The following NRG3 variants were observed in gnomAD, a reference collection of about 807,000 sequenced individuals.
NRG3 encodes pro-neuregulin-3, membrane-bound isoform.
Under a neutral mutation model 66.9 loss-of-function variants are expected in NRG3, and 31 were observed. That is an observed-to-expected ratio of 0.46 (90% CI 0.35 to 0.63). The LOEUF is 0.63. Among genes scored for constraint, NRG3 ranks in the 20% least tolerant of loss-of-function variants. NRG3 has a pLI of 0.00. For synonymous variants in NRG3, 393 were observed against 359.4 expected, an observed-to-expected ratio of 1.09 and a Z score of -1.06; for missense variants, 910 against 878.9, an observed-to-expected ratio of 1.04 and a Z score of -0.45.
At chr10:82,569,731 A>G (rs931880839) in intron 2 of NRG3, among the ~76,000 whole-genome samples, 3 of 151,706 alleles carry the variant, frequency 2.0e-5, no homozygotes, top group African/African-American at 4.8e-5. Flanking sequence ...TCTTTGCTAG[A>G]TAAGTTCATT....
intron 1 of NRG3, among the ~76,000 whole-genome samples, chr10:81,998,650 AAAC>A (rs1294676678): frequency 2.0e-5 from 3 of 152,178 alleles, no homozygotes; most frequent in African/African-American, 4.8e-5. Flanking sequence ...TTATGTGATA[AAAC>A]AACGTGTGTG....
intron 4 of NRG3, among the ~76,000 whole-genome samples, chr10:82,913,876 A>G (rs773221008): frequency 5.9e-5 from 9 of 152,160 alleles, no homozygotes; most frequent in Admixed American, 2.0e-4. Flanking sequence ...TTATTACTTC[A>G]AAACCTTTTC....
At chr10:82,813,141 T>A (rs1477267288) in intron 3 of NRG3, among the ~76,000 whole-genome samples, 1 of 151,824 alleles carries the variant, frequency 6.6e-6, no homozygotes. Context: ...AGTGTTTTGA[T>A]GAGTTAATCA....
intron 1 of NRG3, among the ~76,000 whole-genome samples, chr10:82,049,410 G>T (rs545460330): frequency 6.6e-6 from 1 of 152,078 alleles, no homozygotes; most frequent in Non-Finnish European, 1.5e-5. Flanking sequence ...TGTTTCCAAT[G>T]GGTGTTATTT....
At chr10:82,348,062 T>C (rs1423868481) in intron 1 of NRG3, among the ~76,000 whole-genome samples, 12 of 151,920 alleles carry the variant, frequency 7.9e-5, no homozygotes, top group African/African-American at 2.4e-4. Flanking sequence ...ATTTAGTCCA[T>C]TTACATTTAA....
At position 82,487,088 on chromosome 10, in the gene NRG3, A is replaced by G. The variant is rs149348563; in HGVS notation, c.953+128220A>G. 2.2e-3 allele frequency among the ~76,000 whole-genome samples: 331 copies of G among 148,432 alleles called. 1 individual carries two copies. The highest frequency in any genetic ancestry group is 3.8e-3 in the Non-Finnish European group (255 of 67,320). ...ATAATATATGTATATATAATACACT[A>G]TATATATCTATTATATAGATATATC... On this transcript the variant is annotated intron_variant, in intron 2 of 8. Coordinates refer to ENST00000372141, the MANE Select transcript of NRG3 (RefSeq NM_001010848.4).
intron 3 of NRG3, among the ~76,000 whole-genome samples, chr10:82,791,957 C>T (rs1219618330): frequency 6.6e-6 from 1 of 152,112 alleles, no homozygotes; most frequent in Non-Finnish European, 1.5e-5. Context: ...GTTTTTACTG[C>T]TTTTATGGCT....
intron 2 of NRG3, 66 bp from the exon 3 acceptor site, chr10:82,738,511 A>T: frequency 8.0e-7 from 1 of 1,242,284 alleles, no homozygotes; most frequent in Non-Finnish European, 1.2e-6. Flanking sequence ...TGGCTATTTT[A>T]CTTGTTGAAA....
chr10:82,209,655 CA>C (rs1330188981), intron 1 of NRG3, among the ~76,000 whole-genome samples: 1 of 152,152 alleles, frequency 6.6e-6, no homozygotes, highest in Non-Finnish European at 1.5e-5. Context: ...GGTGCTTTCA[CA>C]GTGTAAATAT....
rs149805299 is a variant in NRG3 at position 82,260,161 on chromosome 10, C to T, written c.824-98578C>T. The stretch of plus-strand genomic sequence containing the variant: ...ACAAAAAGCGATACATCTTCATAGT[C>T]AGGCTAAAGGGCTTAGTAATTCACC... On this transcript the variant is annotated intron_variant, in intron 1 of 8. Coordinates refer to ENST00000372141, the MANE Select transcript of NRG3 (RefSeq NM_001010848.4). Among the ~76,000 whole-genome samples, 729 of 152,272 alleles carry T rather than the reference C, an allele frequency of 4.8e-3. 3 individuals carry two copies. Among genetic ancestry groups the T allele is most frequent in the Non-Finnish European group, 5.7e-3 (389 of 68,024 alleles).
intron 6 of NRG3, among the ~76,000 whole-genome samples, chr10:82,960,222 G>T (rs1234121617): frequency 6.6e-6 from 1 of 152,158 alleles, no homozygotes; most frequent in Non-Finnish European, 1.5e-5. Flanking sequence ...TTCTATTCAT[G>T]GCAATGTGCA....
chr10:81,886,690 TTAAAA>T (rs1158073538), intron 1 of NRG3, among the ~76,000 whole-genome samples: 5 of 152,198 alleles, frequency 3.3e-5, no homozygotes, highest in South Asian at 2.1e-4. Flanking sequence ...ATGTTTTAAG[TTAAAA>T]TAATAAGTAA....
In NRG3 at chr10:82,983,319, T is replaced by C. The variant is rs1853118309; in HGVS notation, c.1584-1779T>C. ...TTTACTTCTTGTTGAAATTGATTTA[T>C]TGATTAGAACTTTTAGGCTCATATT... On this transcript the variant is annotated intron_variant, in intron 8 of 8. Coordinates refer to ENST00000372141, the MANE Select transcript of NRG3 (RefSeq NM_001010848.4). Among the ~76,000 whole-genome samples, 4 of 152,242 alleles carry C rather than the reference T, an allele frequency of 2.6e-5. No individual in the cohort carries two copies. In the South Asian group the frequency reaches 8.3e-4, roughly 31 times the overall value.
intron 2 of NRG3, among the ~76,000 whole-genome samples, chr10:82,558,964 TAAC>T (rs1364583300): frequency 4.6e-5 from 7 of 152,248 alleles, no homozygotes; most frequent in Non-Finnish European, 8.8e-5. Context: ...ATAAAAAACA[TAAC>T]AAAAAATTCA....
intron 7 of NRG3, among the ~76,000 whole-genome samples, chr10:82,975,954 T>A (rs1852209140): frequency 6.6e-6 from 1 of 152,222 alleles, no homozygotes. Context: ...TTATTTCTAA[T>A]GTTTAGTTCG....
chr10:82,161,163 T>A (rs1372512920), intron 1 of NRG3, among the ~76,000 whole-genome samples: 1 of 152,070 alleles, frequency 6.6e-6, no homozygotes, highest in East Asian at 1.9e-4. Flanking sequence ...GGTGGGGATG[T>A]CAAATAAGCC....
At chr10:82,064,782 T>C (rs1170719944) in intron 1 of NRG3, among the ~76,000 whole-genome samples, 1 of 152,200 alleles carries the variant, frequency 6.6e-6, no homozygotes, top group Non-Finnish European at 1.5e-5. Flanking sequence ...TAGCTGAACA[T>C]TGTCCTCTCC....
chr10:82,342,599 C>G (rs7893749), intron 1 of NRG3, among the ~76,000 whole-genome samples: 29,836 of 151,572 alleles, frequency 0.2, 5,711 homozygotes, highest in African/African-American at 0.49. Flanking sequence ...TGTGTTTTGC[C>G]CCCTTTTTAA....
chr10:82,278,120 C>T (rs866698385), intron 1 of NRG3, among the ~76,000 whole-genome samples: 7 of 151,968 alleles, frequency 4.6e-5, no homozygotes, highest in Non-Finnish European at 1.0e-4. Context: ...TGGGGATGGA[C>T]CAAAACTTGC....
Sources: gnomAD v4.1 joint callset for allele counts (sites outside exome capture counted in the v4.1 genomes callset) on GRCh38, gnomAD v4.1.1 for gene constraint, MANE v1.5 for transcripts, NCBI Gene and HGNC (gene_info 2026-07-23, HGNC 2026-07-21) for gene names.